Variants in NSUN4 observed in about 807,000 individuals in gnomAD.
The protein encoded by NSUN4 is 5-cytosine rRNA methyltransferase NSUN4.
A neutral mutation model predicts 43.8 loss-of-function variants in NSUN4; 31 were observed. The observed-to-expected ratio is 0.71, with a 90% CI of 0.53 to 0.96. The LOEUF is 0.96. Among genes scored for constraint, NSUN4 ranks in the 40% least tolerant of loss-of-function variants. NSUN4 has a pLI of 0.00. For missense variants in NSUN4, 439 were observed against 475.6 expected, an observed-to-expected ratio of 0.92 and a Z score of 0.72; for synonymous variants, 167 against 184.1, an observed-to-expected ratio of 0.91 and a Z score of 0.75.
At position 46,352,862 on chromosome 1, in the gene NSUN4, C is replaced by A. The variant is rs1197759288; in HGVS notation, c.593-6C>A. 1.9e-6 allele frequency: 3 copies of A among 1,613,656 alleles called. No individual in the cohort carries two copies. In the South Asian group the frequency reaches 3.3e-5, roughly 18 times the overall value. ...CATGGCCTCTGAAGTATCTTTATTT[C>A]CATAGGCAATCTTGCTGCCAATGAT... is the stretch of plus-strand genomic sequence containing the variant. On this transcript the variant is annotated splice_region_variant and splice_polypyrimidine_tract_variant and intron_variant, in intron 3 of 5. Coordinates refer to ENST00000474844, the MANE Select transcript of NSUN4 (RefSeq NM_199044.4).
the NSUN4 span, among the ~76,000 whole-genome samples, chr1:46,370,362 A>G: frequency 6.6e-6 from 1 of 152,204 alleles, no homozygotes; most frequent in African/African-American, 2.4e-5. Context: ...GCTCACAACC[A>G]TGAATCATTA....
chr1:46,341,018 A>ATGATACG, intron 1 of NSUN4, 99 bp downstream of exon 1: 1 of 1,255,966 alleles, frequency 8.0e-7, no homozygotes, highest in Non-Finnish European at 1.1e-6. Flanking sequence ...GTCTTTCCCA[A>ATGATACG]GCACTCCACG....
rs1296435280 is a variant in NSUN4, at chr1:46,361,942, G to C, written c.*96G>C. On this transcript the variant is annotated 3_prime_UTR_variant, in exon 6 of 6. Transcript: ENST00000474844. ...GACCAGTGGCAGAGATGCACTCTCGGTCCTGTCTCCATCCTGTTCGTGTCT... is the reference window on the plus strand; with the variant it reads ...GACCAGTGGCAGAGATGCACTCTCGCTCCTGTCTCCATCCTGTTCGTGTCT... 1 of 1,123,734 alleles carries C rather than the reference G, an allele frequency of 8.9e-7. No individual in the cohort carries two copies. Among genetic ancestry groups the C allele is most frequent in the Non-Finnish European group, 1.3e-6 (1 of 787,822 alleles). 69.6% of individuals were successfully genotyped at this position (1,123,734 alleles called of 1,614,324 possible).
chr1:46,342,210 C>G, intron 1 of NSUN4: 1 of 399,666 alleles, frequency 2.5e-6, no homozygotes, highest in Non-Finnish European at 4.4e-6. Context: ...TTATAATGAC[C>G]CCCTTCTCTC....
At chr1:46,359,576 C>T (rs1271813635) in intron 4 of NSUN4, among the ~76,000 whole-genome samples, 2 of 114,760 alleles carry the variant, frequency 1.7e-5, no homozygotes, top group Non-Finnish European at 3.5e-5. Context: ...TTTGAGATGG[C>T]GTCTTGCTCT....
Position 46,353,010 on chromosome 1 carries a change from G to C in NSUN4, c.735G>C (p.Glu245Asp), listed in dbSNP as rs1222146418. The C allele has an allele frequency of 2.5e-6, 4 of 1,614,120 alleles. No individual in the cohort carries two copies. The Admixed American group carries it at 6.7e-5, about 27-fold the overall frequency. ...SWDGRKWGEL[E>D]GDTYDRVLVD... is the part of the protein sequence containing the mutation. The stretch of plus-strand genomic sequence containing the variant: ...ATGGCAGGAAATGGGGAGAACTGGA[G>C]GGGGACACCTATGACCGGGTGAGTG... The change falls in exon 4 of 6, where the codon GAG becomes GAC. Residue 245 changes from glutamate to aspartate, a missense_variant. Coordinates refer to ENST00000474844, the MANE Select transcript of NSUN4 (RefSeq NM_199044.4).
intron 3 of NSUN4, among the ~76,000 whole-genome samples, chr1:46,351,587 A>G (rs540480889): frequency 3.4e-5 from 5 of 149,092 alleles, no homozygotes; most frequent in African/African-American, 7.4e-5. Context: ...GCACTTTGGG[A>G]GGCTGAGGTG....
rs1448056120 is a variant in NSUN4 at position 46,361,888 on chromosome 1, T to C, written c.*42T>C. ...AAGCAAGAATACAAAGGGTATACTC[T>C]GTTGGATGCACCAGAAACTGGAAAC... On this transcript the variant is annotated 3_prime_UTR_variant, in exon 6 of 6. Coordinates refer to ENST00000474844, the MANE Select transcript of NSUN4 (RefSeq NM_199044.4). 1.3e-6 allele frequency: 2 copies of C among 1,550,908 alleles called. No individual in the cohort carries two copies. Among genetic ancestry groups the C allele is most frequent in the Non-Finnish European group, 1.8e-6 (2 of 1,141,684 alleles).
chr1:46,344,865 G>T lies in NSUN4; in HGVS notation c.158G>T (p.Ser53Ile). 6.2e-7 allele frequency: 1 copy of T among 1,614,228 alleles called. No individual in the cohort carries two copies. Among genetic ancestry groups the T allele is most frequent in the Non-Finnish European group, 8.5e-7 (1 of 1,180,038 alleles). The change falls in exon 2 of 6, where the codon AGT (serine) becomes ATT (isoleucine). Residue 53 changes from serine to isoleucine, a missense_variant. Ser to Ile is a moderately radical substitution (Grantham distance 142). Transcript: ENST00000474844. ...LALQNFDMTYSVQFGDLWPSI... is the reference protein window; with the variant it reads ...LALQNFDMTYIVQFGDLWPSI... ...TTGCAGAATTTTGACATGACTTACA[G>T]TGTGCAGTTTGGAGATCTTTGGCCA...
chr1:46,381,779 T>C, the NSUN4 span, among the ~76,000 whole-genome samples: 1 of 152,296 alleles, frequency 6.6e-6, no homozygotes, highest in African/African-American at 2.4e-5. Flanking sequence ...AATCCTATTC[T>C]TTTACTCAGG....
the NSUN4 span, among the ~76,000 whole-genome samples, chr1:46,376,580 A>C: frequency 1.7e-3 from 261 of 152,332 alleles, 1 homozygote; most frequent in Non-Finnish European, 3.2e-3. Context: ...TCTAAAAAAA[A>C]ATTAAAGGAA....
At chr1:46,376,713 TGTGTGTG>T in the NSUN4 span, among the ~76,000 whole-genome samples, 1 of 13,682 alleles carries the variant, frequency 7.3e-5, no homozygotes, top group South Asian at 4.7e-3. Flanking sequence ...TTAGAGAGCA[TGTGTGTG>T]TGTGTGTGTG....
intron 4 of NSUN4, among the ~76,000 whole-genome samples, chr1:46,356,401 G>A (rs66990604): frequency 0.23 from 34,102 of 151,142 alleles, 4,300 homozygotes; most frequent in Non-Finnish European, 0.29. Flanking sequence ...AAAGAAGAAT[G>A]CTACTTCAAG....
At chr1:46,379,943 A>G in the NSUN4 span, among the ~76,000 whole-genome samples, 1 of 152,100 alleles carries the variant, frequency 6.6e-6, no homozygotes, top group Non-Finnish European at 1.5e-5. Flanking sequence ...TTCTAATACC[A>G]TTACCTTGGT....
chr1:46,372,534 T>C, the NSUN4 span, among the ~76,000 whole-genome samples: 4 of 152,158 alleles, frequency 2.6e-5, no homozygotes, highest in African/African-American at 4.8e-5. Context: ...TAAGTCATTT[T>C]CCCCTTCTCA....
intron 4 of NSUN4, among the ~76,000 whole-genome samples, chr1:46,353,757 G>A (rs889009000): frequency 6.6e-6 from 1 of 151,792 alleles, no homozygotes; most frequent in African/African-American, 2.4e-5. Flanking sequence ...GATTACAGGC[G>A]TGAGCCACTG....
intron 4 of NSUN4, 76 bp from the exon 5 acceptor site, chr1:46,360,628 G>A (rs1229885840): frequency 5.3e-6 from 8 of 1,502,854 alleles, no homozygotes; most frequent in South Asian, 2.4e-5. Context: ...TAGGCCAGGG[G>A]CCTAAAACAT....
At chr1:46,373,440 A>C in the NSUN4 span, among the ~76,000 whole-genome samples, 2 of 152,198 alleles carry the variant, frequency 1.3e-5, no homozygotes, top group African/African-American at 4.8e-5. Flanking sequence ...AAAGAAATTT[A>C]TTTCTTTCAG....
downstream of NSUN4, among the ~76,000 whole-genome samples, chr1:46,367,632 C>T (rs554477648): frequency 1.2e-3 from 182 of 152,224 alleles, no homozygotes; most frequent in African/African-American, 4.3e-3. Flanking sequence ...AGTACTGCTC[C>T]TTGCAGAGTA....
Sources: gnomAD v4.1 joint callset for allele counts (sites outside exome capture counted in the v4.1 genomes callset) on GRCh38, gnomAD v4.1.1 for gene constraint, MANE v1.5 for transcripts, NCBI Gene and HGNC (gene_info 2026-07-23, HGNC 2026-07-21) for gene names.